SPINK5: variants seen among roughly 807,000 people sequenced by gnomAD.
The protein encoded by SPINK5 is serine protease inhibitor Kazal-type 5.
Under a neutral mutation model 151.8 loss-of-function variants are expected in SPINK5, and 125 were observed. The observed-to-expected ratio is 0.82, with a 90% CI of 0.71 to 0.96. The LOEUF is 0.96. Among genes scored for constraint, SPINK5 ranks in the 40% least tolerant of loss-of-function variants. The probability of loss-of-function intolerance (pLI) is 0.00; values close to 1 mark genes in which losing one functional copy is unlikely to be tolerated. For missense variants in SPINK5, 1,194 were observed against 1,291.9 expected (o/e 0.92, Z 1.16); for synonymous variants, 374 against 395.3 (o/e 0.95, Z 0.64).
In SPINK5 at chr5:148,088,525, C is replaced by T. The variant is rs1753220203; in HGVS notation, c.411-17C>T. 1 of 1,610,486 alleles carries T rather than the reference C, an allele frequency of 6.2e-7. No individual in the cohort carries two copies. Among genetic ancestry groups the T allele is most frequent in the Non-Finnish European group, 8.5e-7 (1 of 1,177,612 alleles). ...CTGTGATATTAAACTGCTGTGTCTA[C>T]TAACTTTTGATTCTAGGAAAACCGG... On this transcript the variant is annotated splice_polypyrimidine_tract_variant and intron_variant, in intron 5 of 32. Transcript: ENST00000256084.
chr5:148,124,342 G>T (rs1169138888), intron 27 of SPINK5, among the ~76,000 whole-genome samples: 2 of 151,924 alleles, frequency 1.3e-5, no homozygotes, highest in African/African-American at 4.8e-5. Flanking sequence ...TAACATTCAA[G>T]GACATTTTAA....
chr5:148,123,512 A>ATATAT lies in SPINK5; in HGVS notation c.2539-321_2539-320insTATAT, dbSNP rs1561703850. Among the ~76,000 whole-genome samples the ATATAT allele has an allele frequency of 5.5e-3, 662 of 120,848 alleles. 17 individuals are homozygous for ATATAT. The highest frequency in any genetic ancestry group is 9.6e-3 in the African/African-American group (272 of 28,334). 79.3% of individuals were successfully genotyped at this position (120,848 alleles called of 152,430 possible). A position where few individuals can be genotyped will look rare whatever the true frequency, so the allele number is the denominator to read the frequency against. ...TGTCCAGCCTGGAGTGCAGTGGTGC[A>ATATAT]ATATATGTGTATATATATATATATA... On this transcript the variant is annotated intron_variant, in intron 26 of 32. Transcript: ENST00000256084.
chr5:148,128,498 T>C (rs998171455), intron 30 of SPINK5, among the ~76,000 whole-genome samples: 4 of 152,110 alleles, frequency 2.6e-5, no homozygotes, highest in African/African-American at 9.7e-5. Flanking sequence ...GCACCTGCTA[T>C]TTTTCCAGGC....
intron 6 of SPINK5, 100 bp from the exon 7 acceptor site, chr5:148,089,394 A>G: frequency 6.5e-7 from 1 of 1,535,886 alleles, no homozygotes; most frequent in Non-Finnish European, 9.0e-7. Flanking sequence ...TAAGTGGCCC[A>G]TAGCAATGTC....
intron 4 of SPINK5, among the ~76,000 whole-genome samples, chr5:148,073,826 ACAC>A (rs1178470059): frequency 3.1e-4 from 44 of 140,052 alleles, no homozygotes; most frequent in African/African-American, 1.3e-3. Flanking sequence ...ACACACACAC[ACAC>A]ACACACACAC....
chr5:148,106,088 A>G (rs1753776269), intron 16 of SPINK5, among the ~76,000 whole-genome samples: 1 of 151,954 alleles, frequency 6.6e-6, no homozygotes, highest in African/African-American at 2.4e-5. Flanking sequence ...AGAATTGAAA[A>G]TGTGTTTTCA....
intron 3 of SPINK5, among the ~76,000 whole-genome samples, 170 bp from the exon 4 acceptor site, chr5:148,071,978 A>G (rs1252757021): frequency 1.3e-5 from 2 of 152,056 alleles, no homozygotes; most frequent in African/African-American, 2.4e-5. Context: ...ATATTTTTCA[A>G]TGTTGAAGGG....
chr5:148,093,640 C>T lies in SPINK5; in HGVS notation c.667-714C>T, dbSNP rs115766872. Among the ~76,000 whole-genome samples the T allele has an allele frequency of 6.0e-3, 911 of 151,512 alleles. 14 individuals are homozygous for T. Among genetic ancestry groups the T allele is most frequent in the African/African-American group, 0.02 (843 of 41,354 alleles). On this transcript the variant is annotated intron_variant, in intron 8 of 32. Transcript: ENST00000256084. ...ATTAAGTCACTTTTAGACATCTCAT[C>T]TTCTCACAACTTTTTTTTCTTTTTT...
At chr5:148,073,646 TACAC>T (rs1752798822) in intron 4 of SPINK5, among the ~76,000 whole-genome samples, 1 of 151,530 alleles carries the variant, frequency 6.6e-6, no homozygotes, top group South Asian at 2.1e-4. Context: ...AAAAGCAAAA[TACAC>T]ACAAACATAC....
intron 30 of SPINK5, among the ~76,000 whole-genome samples, chr5:148,130,033 T>G (rs996596382): frequency 6.6e-6 from 1 of 152,094 alleles, no homozygotes; most frequent in Non-Finnish European, 1.5e-5. Flanking sequence ...TTCAAGCAGC[T>G]AACTTTTGGC....
rs1753444194 is a variant in SPINK5 at position 148,095,905 on chromosome 5, G to T, written c.882G>T (p.Val294=). 1 of 1,609,974 alleles carries T rather than the reference G, an allele frequency of 6.2e-7. No homozygotes were observed. The highest frequency in any genetic ancestry group is 8.5e-7 in the Non-Finnish European group (1 of 1,177,188). ...AAACTAAAGTTAAAAGAGAAATTGT[G>T]GTGAGAATCAGTTTGATCAATCTAG... ...EEKTKVKREI[V]KLCSQYQNQA... The change falls in exon 10 of 33, where the codon GTG becomes GTT. Residue 294 remains valine, a splice_region_variant and synonymous_variant. Coordinates refer to ENST00000256084, the MANE Select transcript of SPINK5 (RefSeq NM_006846.4).
rs766028970 is a variant in SPINK5 at position 148,118,539 on chromosome 5, C to T, written c.2215C>T (p.Gln739Ter). 1 of 1,614,104 alleles carries T rather than the reference C, an allele frequency of 6.2e-7. No homozygotes were observed. Among genetic ancestry groups the T allele is most frequent in the South Asian group, 1.1e-5 (1 of 91,074 alleles). ...RDADGKSYNN[Q>*]CTMCKAKLER... ...TGCTGATGGCAAATCGTACAACAAT[C>T]AGTGTACCATGTGTAAAGCAAAATT... Residue 739 changes from glutamine to a stop codon, truncating the protein, a stop_gained, in exon 23 of 33, where the codon CAG becomes TAG. Transcript: ENST00000256084. LOFTEE classifies it high-confidence loss of function.
At chr5:148,069,664 A>C (rs1051119056) in intron 2 of SPINK5, among the ~76,000 whole-genome samples, 1 of 151,934 alleles carries the variant, frequency 6.6e-6, no homozygotes, top group Non-Finnish European at 1.5e-5. Context: ...GAAAATGCAA[A>C]ATGGTTAGGC....
At position 148,110,361 on chromosome 5, in the gene SPINK5, A is replaced by G. The variant is rs138983356; in HGVS notation, c.1693-1407A>G. 1.2e-4 allele frequency among the ~76,000 whole-genome samples: 19 copies of G among 152,234 alleles called. No homozygotes were observed. In the East Asian group the frequency reaches 3.5e-3, roughly 28 times the overall value. On this transcript the variant is annotated intron_variant, in intron 18 of 32. Transcript: ENST00000256084. ...CAACATACAATGAACTTTACCTTCT[A>G]TATGCCATTACTCACAGTCAGAATA...
At chr5:148,101,975 A>C (rs1396092470) in intron 15 of SPINK5, 67 bp downstream of exon 15, 1 of 1,607,884 alleles carries the variant, frequency 6.2e-7, no homozygotes, top group African/African-American at 1.3e-5. Context: ...GGAAGTTTTC[A>C]AACCATTGTG....
intron 27 of SPINK5, 24 bp from the exon 28 acceptor site, chr5:148,124,737 CCTAT>C (rs762838409): frequency 1.4e-6 from 2 of 1,466,168 alleles, no homozygotes; most frequent in Admixed American, 2.3e-5. Flanking sequence ...GAAAAATTAC[CCTAT>C]CTTTTTTTTT....
chr5:148,123,521 G>GTGTGTGTGTATATATATATATATA (rs1328976077), intron 26 of SPINK5, among the ~76,000 whole-genome samples: 14 of 25,016 alleles, frequency 5.6e-4, no homozygotes, highest in African/African-American at 1.1e-3. Context: ...CAATATATGT[G>GTGTGTGTGTATATATATATATATA]TATATATATA....
Position 148,107,081 on chromosome 5 carries a change from T to C in SPINK5, c.1524T>C (p.Leu508=). The C allele has an allele frequency of 6.2e-7, 1 of 1,613,298 alleles. No homozygotes were observed. Among genetic ancestry groups the C allele is most frequent in the Non-Finnish European group, 8.5e-7 (1 of 1,179,480 alleles). ...EFRDQVRNGT[L]ICTREHNPVR... ...GGGACCAAGTGAGGAATGGAACACT[T>C]ATATGCACCAGGGAGCATAATCCTG... The change falls in exon 17 of 33, where the codon CTT becomes CTC. Residue 508 remains leucine (L), a synonymous_variant. Transcript: ENST00000256084.
At chr5:148,075,523 ATAAT>A (rs1409655652) in intron 4 of SPINK5, among the ~76,000 whole-genome samples, 1 of 151,700 alleles carries the variant, frequency 6.6e-6, no homozygotes, top group African/African-American at 2.4e-5. Context: ...TATCTTTTAA[ATAAT>A]TCTTATCTGG....
Sources: allele counts gnomAD v4.1 joint callset (sites outside exome capture counted in the v4.1 genomes callset), GRCh38; gene constraint gnomAD v4.1.1; transcripts MANE v1.5; gene names NCBI Gene and HGNC (gene_info 2026-07-23, HGNC 2026-07-21).